The following PCDHA2 variants were observed in gnomAD, a reference collection of about 807,000 sequenced individuals.
The protein encoded by PCDHA2 is protocadherin alpha-2.
A neutral mutation model predicts 66.0 loss-of-function variants in PCDHA2; 58 were observed. The ratio of observed to expected loss-of-function variants is 0.88; its 90% CI spans 0.71 to 1.09. The LOEUF (loss-of-function observed/expected upper bound fraction) is 1.09, where lower values mean the gene tolerates loss of function less well. PCDHA2 is among the 50% of genes least tolerant of loss of function. The probability of loss-of-function intolerance (pLI) is 0.00; values close to 1 mark genes in which losing one functional copy is unlikely to be tolerated. For synonymous variants in PCDHA2, 634 were observed against 554.0 expected (o/e 1.14, Z -2.03); for missense variants, 1,267 against 1,242.3 (o/e 1.02, Z -0.30).
intron 1 of PCDHA2, chr5:140,835,757 C>T (rs1467581889): frequency 2.5e-6 from 4 of 1,613,278 alleles, no homozygotes; most frequent in Admixed American, 1.7e-5. Context: ...TCGCGCAGCC[C>T]GAGTATACGG....
At chr5:140,870,711 G>T (rs781786878) in intron 1 of PCDHA2, 1 of 1,613,108 alleles carries the variant, frequency 6.2e-7, no homozygotes, top group Non-Finnish European at 8.5e-7. Flanking sequence ...AGGTGAGCGC[G>T]CGCGATGCGG....
chr5:140,799,916 C>T (rs1762489723), intron 1 of PCDHA2, among the ~76,000 whole-genome samples: 1 of 152,106 alleles, frequency 6.6e-6, no homozygotes, highest in Admixed American at 6.5e-5. Flanking sequence ...GGCGAGAATT[C>T]ATGCTTCTCA....
At chr5:140,979,063 A>G (rs1245308340) in intron 2 of PCDHA2, 56 bp downstream of exon 2, 3 of 1,604,438 alleles carry the variant, frequency 1.9e-6, no homozygotes, top group East Asian at 4.5e-5. Context: ...TATGGCTCAG[A>G]TAAACTGCAT....
intron 1 of PCDHA2, among the ~76,000 whole-genome samples, chr5:140,832,585 T>C (rs1306103831): frequency 6.6e-6 from 1 of 152,188 alleles, no homozygotes; most frequent in African/African-American, 2.4e-5. Context: ...TCTTAGGAAG[T>C]AGAGAACTAT....
rs1316558090 is a variant in PCDHA2, at chr5:140,876,786, G to A, written c.2388+79434G>A. 4 of 1,614,114 alleles carry A rather than the reference G, an allele frequency of 2.5e-6. No individual in the cohort carries two copies. In the African/African-American group the frequency reaches 5.3e-5, roughly 22 times the overall value. ...GGGGCTCGCCTTCGCTGTGGGCCAC[G>A]GCTAGAGTGTCCGTGGAGGTGGCCG... is the stretch of plus-strand genomic sequence containing the variant. On this transcript the variant is annotated intron_variant, in intron 1 of 3. Transcript: ENST00000526136.
At chr5:140,829,343 G>A (rs1770238655) in intron 1 of PCDHA2, 10 of 1,614,126 alleles carry the variant, frequency 6.2e-6, no homozygotes, top group South Asian at 1.1e-5. Flanking sequence ...CCGCGAGAGC[G>A]TGTCGGCCTA....
At chr5:140,837,116 C>A (rs2150273189) in intron 1 of PCDHA2, 6 of 157,484 alleles carry the variant, frequency 3.8e-5, no homozygotes, top group Non-Finnish European at 8.4e-5. Context: ...TATATGTTAC[C>A]TAATATTTTA....
At chr5:140,841,429 C>T in intron 1 of PCDHA2, 1 of 1,612,960 alleles carries the variant, frequency 6.2e-7, no homozygotes, top group African/African-American at 1.3e-5. Context: ...ACTCCGTCCC[C>T]GAGGAGGCCA....
chr5:140,955,639 C>T (rs2095212239), intron 1 of PCDHA2, among the ~76,000 whole-genome samples: 1 of 152,088 alleles, frequency 6.6e-6, no homozygotes, highest in African/African-American at 2.4e-5. Flanking sequence ...AGTGTGAGAA[C>T]AAATTAATAC....
intron 1 of PCDHA2, among the ~76,000 whole-genome samples, chr5:140,934,198 A>G (rs918942390): frequency 3.7e-4 from 57 of 152,134 alleles, no homozygotes; most frequent in African/African-American, 1.3e-3. Context: ...TTTCATTTCT[A>G]TTTCCTCACA....
intron 3 of PCDHA2, among the ~76,000 whole-genome samples, chr5:140,989,227 C>T (rs933142074): frequency 2.6e-5 from 4 of 152,162 alleles, no homozygotes; most frequent in African/African-American, 9.7e-5. Flanking sequence ...TTCTTTGTAG[C>T]TGAAGTTTTA....
intron 1 of PCDHA2, among the ~76,000 whole-genome samples, chr5:140,916,911 GA>G (rs2077779129): frequency 1.3e-5 from 2 of 152,178 alleles, no homozygotes; most frequent in Admixed American, 1.3e-4. Context: ...AGTTTACCTA[GA>G]ACCTCAGAGC....
intron 1 of PCDHA2, chr5:140,835,800 C>T (rs1773939889): frequency 2.5e-6 from 4 of 1,612,944 alleles, no homozygotes; most frequent in Non-Finnish European, 3.4e-6. Context: ...GCCGGGCTGC[C>T]ACATCTTCAC....
At chr5:140,971,624 T>C (rs2153790714) in intron 1 of PCDHA2, among the ~76,000 whole-genome samples, 1 of 152,254 alleles carries the variant, frequency 6.6e-6, no homozygotes, top group East Asian at 1.9e-4. Flanking sequence ...TGGGGTACAA[T>C]TAGTACCATG....
Position 140,877,183 on chromosome 5 carries a change from G to A in PCDHA2, c.2388+79831G>A, listed in dbSNP as rs201399892. 787 of 1,613,846 alleles carry A rather than the reference G, an allele frequency of 4.9e-4. 5 individuals are homozygous for A. The African/African-American group carries it at 9.2e-3, about 19-fold the overall frequency. ...GCCGGCACTGCTGGCGACTCCGGCT[G>A]GCAGCGCAGGAGGCGCAGTTAGCGA... On this transcript the variant is annotated intron_variant, in intron 1 of 3. Transcript: ENST00000526136.
chr5:140,842,778 A>G lies in PCDHA2; in HGVS notation c.2388+45426A>G, dbSNP rs2150344056. 1.9e-5 allele frequency: 31 copies of G among 1,594,532 alleles called. No homozygotes were observed. The East Asian group carries it at 6.7e-4, about 34-fold the overall frequency. ...TCTGCGCGAGACGCGGACGCGCAGG[A>G]GAACGCGCTGGTGTCCTACTCGCTT... is the stretch of plus-strand genomic sequence containing the variant. On this transcript the variant is annotated intron_variant, in intron 1 of 3. Coordinates refer to ENST00000526136, the MANE Select transcript of PCDHA2 (RefSeq NM_018905.3).
rs1284722647 is a variant in PCDHA2, at chr5:140,822,989, C to T, written c.2388+25637C>T. 6.2e-7 allele frequency: 1 copy of T among 1,614,244 alleles called. No homozygotes were observed. The highest frequency in any genetic ancestry group is 1.7e-5 in the Admixed American group (1 of 60,036). On this transcript the variant is annotated intron_variant, in intron 1 of 3. Transcript: ENST00000526136. ...GTGTCCACCTTCAAGAATTACTACTCGTTGGTGCTGGACAGCGCCCTGGAC... is the reference window on the plus strand; with the variant it reads ...GTGTCCACCTTCAAGAATTACTACTTGTTGGTGCTGGACAGCGCCCTGGAC...
At chr5:140,863,623 T>C (rs782448471) in intron 1 of PCDHA2, 49 of 322,260 alleles carry the variant, frequency 1.5e-4, no homozygotes, top group Non-Finnish European at 1.9e-4. Context: ...CATAGTGACA[T>C]TGATAATGTT....
At chr5:140,879,878 T>C (rs1462304142) in intron 1 of PCDHA2, among the ~76,000 whole-genome samples, 1 of 152,198 alleles carries the variant, frequency 6.6e-6, no homozygotes, top group Non-Finnish European at 1.5e-5. Context: ...ATGGTCACAT[T>C]GCCTCCTCCT....
Sources: allele counts gnomAD v4.1 joint callset (sites outside exome capture counted in the v4.1 genomes callset), GRCh38; gene constraint gnomAD v4.1.1; transcripts MANE v1.5; gene names NCBI Gene and HGNC (gene_info 2026-07-23, HGNC 2026-07-21).